Variants in ME3 observed in about 807,000 individuals in gnomAD.
The protein encoded by ME3 is NADP-dependent malic enzyme, mitochondrial.
In ME3, 48 loss-of-function variants were observed where a neutral mutation model predicts 68.9. The observed-to-expected ratio is 0.70, with a 90% CI of 0.55 to 0.89. ME3 has a LOEUF of 0.89. Among genes scored for constraint, ME3 ranks in the 40% least tolerant of loss-of-function variants. ME3 has a pLI of 0.00. For missense variants in ME3, 675 were observed against 797.4 expected, an observed-to-expected ratio of 0.85 and a Z score of 1.85; for synonymous variants, 320 against 318.8, an observed-to-expected ratio of 1.00 and a Z score of -0.04.
intron 6 of ME3, among the ~76,000 whole-genome samples, chr11:86,497,396 G>A (rs530566378): frequency 6.6e-6 from 1 of 152,148 alleles, no homozygotes; most frequent in African/African-American, 2.4e-5. Flanking sequence ...CATGCCCATG[G>A]TGGTTCCCAG....
chr11:86,505,976 C>T (rs1953046692), intron 5 of ME3, among the ~76,000 whole-genome samples: 1 of 152,324 alleles, frequency 6.6e-6, no homozygotes, highest in Middle Eastern at 3.4e-3. Context: ...AGCACAGATG[C>T]AATGTACTGT....
chr11:86,558,217 C>A (rs1311045760), intron 3 of ME3, among the ~76,000 whole-genome samples: 1 of 152,146 alleles, frequency 6.6e-6, no homozygotes, highest in Non-Finnish European at 1.5e-5. Context: ...GAGGATTTCA[C>A]TTTGGACTTG....
chr11:86,615,362 T>C (rs896322125), intron 2 of ME3, among the ~76,000 whole-genome samples: 1 of 152,208 alleles, frequency 6.6e-6, no homozygotes, highest in Non-Finnish European at 1.5e-5. Flanking sequence ...CATTAACTTA[T>C]TTTGTCCTCC....
intron 4 of ME3, among the ~76,000 whole-genome samples, chr11:86,551,094 A>G (rs1454438454): frequency 6.6e-6 from 1 of 152,154 alleles, no homozygotes; most frequent in Non-Finnish European, 1.5e-5. Context: ...GGAAACTCCA[A>G]GGAGGTAAAT....
At chr11:86,595,948 C>T (rs1959380583) in intron 2 of ME3, among the ~76,000 whole-genome samples, 1 of 152,210 alleles carries the variant, frequency 6.6e-6, no homozygotes, top group African/African-American at 2.4e-5. Context: ...CAGAATTTAC[C>T]TTCTGGGTTC....
intron 5 of ME3, among the ~76,000 whole-genome samples, chr11:86,501,781 A>G (rs74380777): frequency 0.03 from 4,559 of 152,278 alleles, 247 homozygotes; most frequent in African/African-American, 0.1. Flanking sequence ...TTGGTCACCA[A>G]GTTCTGCTGA....
chr11:86,670,213 A>G (rs1249289642), intron 2 of ME3, among the ~76,000 whole-genome samples: 1 of 152,238 alleles, frequency 6.6e-6, no homozygotes, highest in Non-Finnish European at 1.5e-5. Context: ...CTCTTCCCCA[A>G]GAGCTACCAG....
At chr11:86,530,706 C>T (rs1955150244) in intron 4 of ME3, among the ~76,000 whole-genome samples, 2 of 152,158 alleles carry the variant, frequency 1.3e-5, no homozygotes, top group South Asian at 4.1e-4. Flanking sequence ...TTATCTACAA[C>T]CATCTGATCT....
chr11:86,517,077 A>C (rs893175604), intron 4 of ME3, among the ~76,000 whole-genome samples: 1 of 150,228 alleles, frequency 6.7e-6, no homozygotes, highest in Non-Finnish European at 1.5e-5. Context: ...CAGGGTTAAA[A>C]CTTCTTTCTG....
intron 4 of ME3, among the ~76,000 whole-genome samples, chr11:86,538,707 CTCT>C (rs1460067396): frequency 1.3e-4 from 20 of 152,150 alleles, no homozygotes. Context: ...GTGGGCTCTC[CTCT>C]TTAGTCCTCT....
At chr11:86,560,608 G>T (rs1421687871) in intron 2 of ME3, among the ~76,000 whole-genome samples, 1 of 151,380 alleles carries the variant, frequency 6.6e-6, no homozygotes, top group African/African-American at 2.4e-5. Flanking sequence ...AACCAGTAAT[G>T]ATCCATTATT....
chr11:86,613,760 A>C (rs1942762430), intron 2 of ME3, among the ~76,000 whole-genome samples: 1 of 152,202 alleles, frequency 6.6e-6, no homozygotes, highest in African/African-American at 2.4e-5. Context: ...ACAGCTAACA[A>C]GGGATGTGAA....
At chr11:86,607,749 A>G (rs2135170972) in intron 2 of ME3, among the ~76,000 whole-genome samples, 1 of 151,362 alleles carries the variant, frequency 6.6e-6, no homozygotes, top group African/African-American at 2.4e-5. Flanking sequence ...CATATTTTAC[A>G]TTGAGCAAAA....
At position 86,583,706 on chromosome 11, in the gene ME3, A is replaced by C. The variant is rs550483629; in HGVS notation, c.184-23883T>G. On this transcript the variant is annotated intron_variant, in intron 2 of 14. Transcript: ENST00000543262. ...AGACTTCCCTGAGGAAGCAATATCC[A>C]AAATGAGATATGACAGATAAATAAA... Among the ~76,000 whole-genome samples the C allele has an allele frequency of 6.0e-4, 92 of 152,336 alleles. 1 individual carries two copies. Among genetic ancestry groups the C allele is most frequent in the Middle Eastern group, 3.4e-3 (1 of 294 alleles).
chr11:86,567,952 G>A (rs1235293369), intron 2 of ME3, among the ~76,000 whole-genome samples: 1 of 152,166 alleles, frequency 6.6e-6, no homozygotes, highest in African/African-American at 2.4e-5. Context: ...GGTATATGAG[G>A]GGTCTGAAGG....
intron 4 of ME3, among the ~76,000 whole-genome samples, chr11:86,532,098 A>G (rs1451430375): frequency 6.6e-6 from 1 of 152,218 alleles, no homozygotes; most frequent in Non-Finnish European, 1.5e-5. Context: ...CAGTATAGAT[A>G]TTAAATCAAA....
chr11:86,648,456 G>A (rs1278233404), intron 2 of ME3, among the ~76,000 whole-genome samples: 1 of 147,718 alleles, frequency 6.8e-6, no homozygotes, highest in Non-Finnish European at 1.5e-5. Flanking sequence ...GCTAGCAGAA[G>A]ACAAGAAATA....
chr11:86,654,671 CT>C (rs900196263), intron 2 of ME3, among the ~76,000 whole-genome samples: 35 of 152,200 alleles, frequency 2.3e-4, no homozygotes, highest in African/African-American at 7.7e-4. Context: ...GAAGCATCCC[CT>C]TTGAAAACTG....
At chr11:86,595,292 C>T (rs866947808) in intron 2 of ME3, among the ~76,000 whole-genome samples, 2 of 124,264 alleles carry the variant, frequency 1.6e-5, no homozygotes, top group East Asian at 3.2e-4. Flanking sequence ...TATACATATA[C>T]ATATATATAT....
Sources: allele counts gnomAD v4.1 joint callset (sites outside exome capture counted in the v4.1 genomes callset), GRCh38; gene constraint gnomAD v4.1.1; transcripts MANE v1.5; gene names NCBI Gene and HGNC (gene_info 2026-07-23, HGNC 2026-07-21).